COL15A1: variants seen among roughly 807,000 people sequenced by gnomAD.
COL15A1 encodes the protein collagen type XV alpha 1 chain.
A neutral mutation model predicts 165.9 loss-of-function variants in COL15A1; 111 were observed. The ratio of observed to expected loss-of-function variants is 0.67; its 90% CI spans 0.57 to 0.78. COL15A1 has a LOEUF of 0.78. Among genes scored for constraint, COL15A1 ranks in the 30% least tolerant of loss-of-function variants. The pLI is 0.00. For missense variants in COL15A1, 1,745 were observed against 1,789.7 expected (o/e 0.98, Z 0.45); for synonymous variants, 659 against 674.8 (o/e 0.98, Z 0.36).
intron 7 of COL15A1, among the ~76,000 whole-genome samples, chr9:99,002,354 T>C (rs1359926205): frequency 6.6e-6 from 1 of 151,984 alleles, no homozygotes; most frequent in Admixed American, 6.6e-5. Flanking sequence ...GCCTCCCAAA[T>C]TCCAGGAAAT....
intron 38 of COL15A1, 36 bp downstream of exon 38, chr9:99,062,340 AT>A: frequency 6.9e-7 from 1 of 1,454,448 alleles, no homozygotes; most frequent in Non-Finnish European, 9.7e-7. Flanking sequence ...TCATGCATTC[AT>A]TTATCAGCAT....
chr9:99,005,178 C>G, intron 9 of COL15A1, 128 bp downstream of exon 9: 1 of 978,216 alleles, frequency 1.0e-6, no homozygotes, highest in Admixed American at 3.0e-5. Context: ...ACCAAATACT[C>G]ACTTGGGGGT....
At chr9:99,021,814 A>G (rs61478524) in intron 12 of COL15A1, among the ~76,000 whole-genome samples, 5,186 of 152,254 alleles carry the variant, frequency 0.034, 285 homozygotes, top group African/African-American at 0.12. Context: ...GAGGGTGGGG[A>G]TAAATCCTGG....
chr9:99,022,938 G>A (rs1839052713), intron 13 of COL15A1, among the ~76,000 whole-genome samples: 1 of 152,196 alleles, frequency 6.6e-6, no homozygotes, highest in South Asian at 2.1e-4. Flanking sequence ...CCCTAGTTTA[G>A]AGGAGCCGAT....
intron 2 of COL15A1, among the ~76,000 whole-genome samples, chr9:98,955,312 C>T (rs1486569519): frequency 2.0e-5 from 3 of 152,196 alleles, no homozygotes; most frequent in South Asian, 2.1e-4. Context: ...GATTAGTGAT[C>T]GGGCCTGTCA....
intron 9 of COL15A1, among the ~76,000 whole-genome samples, chr9:99,006,284 AAGCTCTGCT>A (rs1838760716): frequency 6.6e-6 from 1 of 152,240 alleles, no homozygotes; most frequent in Non-Finnish European, 1.5e-5. Context: ...ACCAGAATGT[AAGCTCTGCT>A]AGAACAGAGA....
rs1230717030 is a variant in COL15A1, at chr9:99,070,423, TG to T, written c.*538del. On this transcript the variant is annotated 3_prime_UTR_variant, in exon 42 of 42. Coordinates refer to ENST00000375001, the MANE Select transcript of COL15A1 (RefSeq NM_001855.5). ...ATTTTCTGATGCTATCAGACTCTAA[TG>T]TTTTTTTCCCTAAAATATTATTGCC... 1 of 293,204 alleles carries T rather than the reference TG, an allele frequency of 3.4e-6. No homozygotes were observed. Among genetic ancestry groups the T allele is most frequent in the Non-Finnish European group, 6.8e-6 (1 of 148,114 alleles). 18.2% of individuals were successfully genotyped at this position (293,204 alleles called of 1,614,324 possible).
Position 99,022,121 on chromosome 9 carries a change from C to T in COL15A1, c.1732C>T (p.Pro578Ser). Residue 578 changes from proline to serine, a missense_variant, in exon 13 of 42, where the codon CCT (proline) becomes TCT (serine). Coordinates refer to ENST00000375001, the MANE Select transcript of COL15A1 (RefSeq NM_001855.5). ...TGCTGGGGAGGAGCTTCCTGGCCCTCCTGAACCTTCTGGGCCTGTTGGACC... is the reference window on the plus strand; with the variant it reads ...TGCTGGGGAGGAGCTTCCTGGCCCTTCTGAACCTTCTGGGCCTGTTGGACC... ...GDAGEELPGP[P>S]EPSGPVGPTA... 1 of 1,614,160 alleles carries T rather than the reference C, an allele frequency of 6.2e-7. No homozygotes were observed. The highest frequency in any genetic ancestry group is 8.5e-7 in the Non-Finnish European group (1 of 1,180,004).
intron 11 of COL15A1, among the ~76,000 whole-genome samples, chr9:99,019,024 A>G (rs935343465): frequency 4.6e-5 from 7 of 152,328 alleles, no homozygotes; most frequent in African/African-American, 1.7e-4. Flanking sequence ...AGAATGAGAG[A>G]GAGAAACGGA....
rs570206789 is a variant in COL15A1, at chr9:99,018,649, T to C, written c.1648-1740T>C. Among the ~76,000 whole-genome samples the C allele has an allele frequency of 9.2e-5, 14 of 152,356 alleles. No homozygotes were observed. The South Asian group carries it at 2.9e-3, about 32-fold the overall frequency. ...GCCAACAATAGAAGATTAATTGAAT[T>C]AAAGTATATTCAAACAATGGAACAT... On this transcript the variant is annotated intron_variant, in intron 11 of 41. Coordinates refer to ENST00000375001, the MANE Select transcript of COL15A1 (RefSeq NM_001855.5).
At position 99,034,475 on chromosome 9, in the gene COL15A1, TG is replaced by T. The variant is rs1228346393; in HGVS notation, c.2044-73del. ...ATCCTATTTCCTTGGAGTCCATAAT[TG>T]TGCATTGTCTTCAGAACACACCTCA... On this transcript the variant is annotated intron_variant, in intron 16 of 41. Transcript: ENST00000375001. 7.2e-6 allele frequency: 11 copies of T among 1,523,676 alleles called. No individual in the cohort carries two copies. The Admixed American group carries it at 2.4e-4, about 34-fold the overall frequency. The allele number at this position is 1,523,676 out of a possible 1,614,324, so 94.4% of individuals were successfully genotyped here. A position where few individuals can be genotyped will look rare whatever the true frequency, so the allele number is the denominator to read the frequency against.
intron 9 of COL15A1, among the ~76,000 whole-genome samples, chr9:99,010,959 C>A (rs965838425): frequency 1.3e-5 from 2 of 151,654 alleles, no homozygotes; most frequent in African/African-American, 4.8e-5. Flanking sequence ...GAAGAAAATA[C>A]TCCTTTTAGA....
chr9:99,007,482 G>A (rs1231283011), intron 9 of COL15A1, among the ~76,000 whole-genome samples: 2 of 152,054 alleles, frequency 1.3e-5, no homozygotes, highest in African/African-American at 4.8e-5. Flanking sequence ...AGGTTTAGTT[G>A]ATTTCTCATG....
chr9:99,020,429 C>T lies in COL15A1; in HGVS notation c.1688C>T (p.Pro563Leu), dbSNP rs1442039867. 1.2e-6 allele frequency: 2 copies of T among 1,612,558 alleles called. No homozygotes were observed. Among genetic ancestry groups the T allele is most frequent in the Non-Finnish European group, 1.7e-6 (2 of 1,178,726 alleles). Residue 563 changes from proline to leucine, a missense_variant, in exon 12 of 42, where the codon CCC becomes CTC. Transcript: ENST00000375001. ...EHVGMKGQAG[P>L]KGEKGDAGEE... ...GTGGGAATGAAAGGACAGGCTGGGC[C>T]CAAAGGAGAAAAGGTTTGTGCTGTG...
At chr9:99,017,077 C>A (rs908524904) in intron 11 of COL15A1, among the ~76,000 whole-genome samples, 2 of 152,206 alleles carry the variant, frequency 1.3e-5, no homozygotes, top group Non-Finnish European at 2.9e-5. Context: ...GGCTCTGGGC[C>A]CTCAGTCAGG....
At chr9:99,027,445 G>T (rs780654811) in intron 16 of COL15A1, among the ~76,000 whole-genome samples, 4 of 152,270 alleles carry the variant, frequency 2.6e-5, no homozygotes, top group Middle Eastern at 3.4e-3. Flanking sequence ...AAGCTTTATA[G>T]AACTCATTTT....
chr9:99,010,190 T>C (rs1457969011), intron 9 of COL15A1, among the ~76,000 whole-genome samples: 3 of 152,212 alleles, frequency 2.0e-5, no homozygotes, highest in Admixed American at 6.5e-5. Context: ...TAGCAGGACT[T>C]GGTGTCCTTC....
At chr9:98,986,215 C>T (rs1382926613) in intron 3 of COL15A1, 103 bp downstream of exon 3, 1 of 926,048 alleles carries the variant, frequency 1.1e-6, no homozygotes, top group Non-Finnish European at 1.6e-6. Context: ...TTCTTATGTC[C>T]TCAAAGAAGC....
At chr9:98,948,117 C>T (rs1837613143) in intron 2 of COL15A1, among the ~76,000 whole-genome samples, 1 of 152,176 alleles carries the variant, frequency 6.6e-6, no homozygotes, top group East Asian at 1.9e-4. Flanking sequence ...CCATTCTGTG[C>T]TGGCCCTCAT....
Sources: gnomAD v4.1 joint callset for allele counts (sites outside exome capture counted in the v4.1 genomes callset) on GRCh38, gnomAD v4.1.1 for gene constraint, MANE v1.5 for transcripts, NCBI Gene and HGNC (gene_info 2026-07-23, HGNC 2026-07-21) for gene names.